SLC12A8: variants seen among roughly 807,000 people sequenced by gnomAD.
SLC12A8 encodes cation-chloride cotransporter 9.
A neutral mutation model predicts 75.6 loss-of-function variants in SLC12A8; 69 were observed. That is an observed-to-expected ratio of 0.91 (90% CI 0.75 to 1.11). SLC12A8 has a LOEUF of 1.11. Among genes scored for constraint, SLC12A8 ranks in the 50% most tolerant of loss-of-function variants. The probability of loss-of-function intolerance (pLI) is 0.00; values close to 1 mark genes in which losing one functional copy is unlikely to be tolerated. For missense variants in SLC12A8, 877 were observed against 896.7 expected, an observed-to-expected ratio of 0.98 and a Z score of 0.28; for synonymous variants, 365 against 372.8, an observed-to-expected ratio of 0.98 and a Z score of 0.24.
At chr3:125,097,607 G>A (rs1938750539) in intron 10 of SLC12A8, among the ~76,000 whole-genome samples, 1 of 150,466 alleles carries the variant, frequency 6.6e-6, no homozygotes, top group Non-Finnish European at 1.5e-5. Flanking sequence ...GAAGTAGTAG[G>A]AAAGGTTTGT....
At chr3:125,142,888 A>C (rs1933683705) in intron 5 of SLC12A8, among the ~76,000 whole-genome samples, 1 of 152,334 alleles carries the variant, frequency 6.6e-6, no homozygotes, top group South Asian at 2.1e-4. Flanking sequence ...TAAAATCCCA[A>C]ACCAGCTTCC....
At chr3:125,129,115 C>T (rs1292488406) in intron 6 of SLC12A8, among the ~76,000 whole-genome samples, 1 of 152,186 alleles carries the variant, frequency 6.6e-6, no homozygotes, top group East Asian at 1.9e-4. Flanking sequence ...AACCACAGGC[C>T]CATGTGTTGG....
chr3:125,138,329 A>G (rs1369058281), intron 5 of SLC12A8, among the ~76,000 whole-genome samples: 3 of 152,122 alleles, frequency 2.0e-5, no homozygotes, highest in Non-Finnish European at 4.4e-5. Context: ...TGAACCCAGG[A>G]GGCAGAGGTT....
intron 9 of SLC12A8, among the ~76,000 whole-genome samples, chr3:125,108,568 T>C (rs938880733): frequency 8.5e-5 from 13 of 152,112 alleles, no homozygotes; most frequent in African/African-American, 3.1e-4. Context: ...GTGGTTTTGC[T>C]ATGTTGCCCA....
intron 2 of SLC12A8, among the ~76,000 whole-genome samples, chr3:125,194,123 G>A (rs1934960041): frequency 2.0e-5 from 3 of 152,212 alleles, no homozygotes; most frequent in African/African-American, 7.2e-5. Flanking sequence ...CCCTCAGAAA[G>A]GGCAGCATAA....
intron 9 of SLC12A8, among the ~76,000 whole-genome samples, chr3:125,109,723 A>G (rs1939140609): frequency 6.6e-6 from 1 of 152,200 alleles, no homozygotes; most frequent in East Asian, 1.9e-4. Flanking sequence ...CAGGAAGTGT[A>G]GACGCCAGAG....
Position 125,185,101 on chromosome 3 carries a change from A to G in SLC12A8, c.390+2136T>C, listed in dbSNP as rs866584127. On this transcript the variant is annotated intron_variant, in intron 4 of 13. Coordinates refer to ENST00000469902, the MANE Select transcript of SLC12A8 (RefSeq NM_024628.6). The stretch of plus-strand genomic sequence containing the variant: ...TTTGGGAGGCCGAGGCGGGCGGATC[A>G]CCTCAGGTCGGGAGTTCAAAACTAG... 5.3e-5 allele frequency among the ~76,000 whole-genome samples: 8 copies of G among 152,300 alleles called. 1 individual carries two copies. In the Middle Eastern group the frequency reaches 0.017, roughly 324 times the overall value.
At chr3:125,158,284 G>C (rs1204410635) in intron 5 of SLC12A8, among the ~76,000 whole-genome samples, 2 of 151,648 alleles carry the variant, frequency 1.3e-5, no homozygotes, top group East Asian at 3.9e-4. Flanking sequence ...GCAGTGGCGC[G>C]ATCTTGGCTC....
chr3:125,141,030 G>A (rs574483658), intron 5 of SLC12A8, among the ~76,000 whole-genome samples: 1 of 152,316 alleles, frequency 6.6e-6, no homozygotes, highest in South Asian at 2.1e-4. Context: ...GAAGGCCTGG[G>A]ATGCATGGGG....
intron 2 of SLC12A8, 95 bp from the exon 3 acceptor site, chr3:125,190,616 A>G: frequency 6.9e-7 from 1 of 1,457,344 alleles, no homozygotes; most frequent in Non-Finnish European, 9.4e-7. Flanking sequence ...AGGAGAACTC[A>G]GCTTAAAAAC....
intron 4 of SLC12A8, among the ~76,000 whole-genome samples, chr3:125,186,188 G>T (rs1026968505): frequency 6.6e-6 from 1 of 151,756 alleles, no homozygotes; most frequent in Non-Finnish European, 1.5e-5. Context: ...AAGTCCCCAG[G>T]GTAATAAAGT....
At chr3:125,121,782 A>C (rs1274481620) in intron 6 of SLC12A8, among the ~76,000 whole-genome samples, 2 of 152,314 alleles carry the variant, frequency 1.3e-5, no homozygotes, top group African/African-American at 4.8e-5. Context: ...ACAATGCTTC[A>C]CAGAATCCAA....
chr3:125,128,460 G>A (rs1406507098), intron 6 of SLC12A8, among the ~76,000 whole-genome samples: 4 of 144,440 alleles, frequency 2.8e-5, no homozygotes, highest in East Asian at 4.1e-4. Flanking sequence ...GATTACAGGC[G>A]TGAGCCACCG....
chr3:125,140,020 C>T (rs1411283777), intron 5 of SLC12A8, among the ~76,000 whole-genome samples: 2 of 152,194 alleles, frequency 1.3e-5, no homozygotes, highest in African/African-American at 2.4e-5. Context: ...CCAGGAGGCA[C>T]CTACAACTTC....
intron 5 of SLC12A8, among the ~76,000 whole-genome samples, chr3:125,159,323 T>C (rs2107776639): frequency 1.3e-5 from 2 of 152,278 alleles, no homozygotes; most frequent in South Asian, 4.1e-4. Context: ...CTCAAACCCC[T>C]GGACTCAAGC....
intron 10 of SLC12A8, among the ~76,000 whole-genome samples, chr3:125,103,227 C>T (rs1357498296): frequency 6.6e-6 from 1 of 152,042 alleles, no homozygotes; most frequent in Non-Finnish European, 1.5e-5. Flanking sequence ...CTCACCTCAT[C>T]CTGTTCCCAG....
intron 6 of SLC12A8, among the ~76,000 whole-genome samples, chr3:125,124,000 T>G (rs1933128834): frequency 6.6e-6 from 1 of 152,162 alleles, no homozygotes; most frequent in African/African-American, 2.4e-5. Context: ...TTCCAAACAC[T>G]TACTGTCTCC....
At chr3:125,148,494 TGGGGAGAAGA>T (rs1455999622) in intron 5 of SLC12A8, among the ~76,000 whole-genome samples, 2 of 96,962 alleles carry the variant, frequency 2.1e-5, no homozygotes, top group East Asian at 6.1e-4. Flanking sequence ...GTGAGGGTAG[TGGGGAGAAGA>T]GTGGGGTGGG....
chr3:125,089,257 G>T (rs1264501520), intron 12 of SLC12A8, among the ~76,000 whole-genome samples: 2 of 152,100 alleles, frequency 1.3e-5, no homozygotes, highest in African/African-American at 4.8e-5. Flanking sequence ...ATAAATTTTA[G>T]ATCTGCATTT....
Sources: gnomAD v4.1 joint callset for allele counts (sites outside exome capture counted in the v4.1 genomes callset) on GRCh38, gnomAD v4.1.1 for gene constraint, MANE v1.5 for transcripts, NCBI Gene and HGNC (gene_info 2026-07-23, HGNC 2026-07-21) for gene names.